Variants in SLC8A1 observed in about 807,000 individuals in gnomAD.
SLC8A1 encodes the protein sodium/calcium exchanger 1.
A neutral mutation model predicts 68.3 loss-of-function variants in SLC8A1; 18 were observed. That is an observed-to-expected ratio of 0.26 (90% CI 0.18 to 0.39). The LOEUF (loss-of-function observed/expected upper bound fraction) is 0.39. Among genes scored for constraint, SLC8A1 ranks in the 10% least tolerant of loss-of-function variants. SLC8A1 has a pLI of 1.00. For synonymous variants in SLC8A1, 475 were observed against 415.5 expected (o/e 1.14, Z -1.74); for missense variants, 985 against 1,156.7 (o/e 0.85, Z 2.15).
intron 1 of SLC8A1, among the ~76,000 whole-genome samples, chr2:40,457,944 A>C (rs1703118935): frequency 6.6e-6 from 1 of 152,176 alleles, no homozygotes; most frequent in Non-Finnish European, 1.5e-5. Flanking sequence ...GGCTGTACGC[A>C]TGTATCAGCT....
intron 2 of SLC8A1, among the ~76,000 whole-genome samples, chr2:40,298,902 C>A (rs1205061157): frequency 6.6e-6 from 1 of 152,172 alleles, no homozygotes; most frequent in Admixed American, 6.5e-5. Flanking sequence ...TTGGCCTTAT[C>A]AATTCGCCTT....
chr2:40,256,714 G>A (rs1313938659), intron 2 of SLC8A1, among the ~76,000 whole-genome samples: 2 of 152,120 alleles, frequency 1.3e-5, no homozygotes, highest in Non-Finnish European at 2.9e-5. Context: ...TTTAGAGAAG[G>A]CTGTAGGCCT....
At chr2:40,317,712 A>G (rs2074656404) in intron 2 of SLC8A1, among the ~76,000 whole-genome samples, 1 of 152,044 alleles carries the variant, frequency 6.6e-6, no homozygotes. Context: ...AATTCCTCAA[A>G]CTCTGTAAGT....
At chr2:40,470,683 T>TC (rs1703945868) in intron 1 of SLC8A1, among the ~76,000 whole-genome samples, 1 of 151,946 alleles carries the variant, frequency 6.6e-6, no homozygotes, top group Non-Finnish European at 1.5e-5. Context: ...TAAAAGACTA[T>TC]CCCTCAACTG....
chr2:40,173,091 G>T (rs1310626735), intron 4 of SLC8A1, among the ~76,000 whole-genome samples: 1 of 152,088 alleles, frequency 6.6e-6, no homozygotes, highest in African/African-American at 2.4e-5. Context: ...AGGTGCTGTT[G>T]GATAGTACAC....
Position 40,226,102 on chromosome 2 carries a change from C to A in SLC8A1, c.1809-48247G>T, listed in dbSNP as rs144038585. 2.0e-5 allele frequency among the ~76,000 whole-genome samples: 3 copies of A among 152,194 alleles called. No homozygotes were observed. The East Asian group carries it at 5.8e-4, about 29-fold the overall frequency. ...ACATATTTTACATTACATGAGATGA[C>A]AGTTGGTTTTATTGCTTTTCCCCTA... On this transcript the variant is annotated intron_variant, in intron 2 of 7. Coordinates refer to ENST00000406785, the Ensembl canonical transcript of SLC8A1.
chr2:40,443,967 G>C (rs1700979439), intron 1 of SLC8A1, among the ~76,000 whole-genome samples: 1 of 152,084 alleles, frequency 6.6e-6, no homozygotes, highest in African/African-American at 2.4e-5. Context: ...CTAATGCTTT[G>C]ATGGTTATCT....
intron 2 of SLC8A1, among the ~76,000 whole-genome samples, chr2:40,239,161 G>A (rs758357486): frequency 6.6e-6 from 1 of 152,082 alleles, no homozygotes; most frequent in Non-Finnish European, 1.5e-5. Flanking sequence ...GGAAACAACA[G>A]TCAGCAAATG....
intron 2 of SLC8A1, among the ~76,000 whole-genome samples, chr2:40,395,893 T>C (rs1404631734): frequency 2.0e-5 from 3 of 152,148 alleles, no homozygotes; most frequent in Non-Finnish European, 4.4e-5. Flanking sequence ...TTTTTACTAA[T>C]AGTATGCATG....
At chr2:40,330,253 G>A (rs1482843467) in intron 2 of SLC8A1, among the ~76,000 whole-genome samples, 1 of 151,148 alleles carries the variant, frequency 6.6e-6, no homozygotes, top group Admixed American at 6.6e-5. Context: ...GTTTTTGTCT[G>A]AAGTGAGACT....
At chr2:40,351,564 T>A (rs989942132) in intron 2 of SLC8A1, among the ~76,000 whole-genome samples, 5 of 148,756 alleles carry the variant, frequency 3.4e-5, no homozygotes, top group Non-Finnish European at 5.9e-5. Context: ...TCAAGTAGAT[T>A]GGCATACTGA....
intron 6 of SLC8A1, among the ~76,000 whole-genome samples, chr2:40,149,131 C>A (rs1430262849): frequency 6.6e-6 from 1 of 152,160 alleles, no homozygotes; most frequent in Non-Finnish European, 1.5e-5. Flanking sequence ...TTTTGGGTCA[C>A]TGTTTTGCAC....
intron 2 of SLC8A1, among the ~76,000 whole-genome samples, chr2:40,363,282 T>C (rs1177845310): frequency 6.6e-6 from 1 of 152,062 alleles, no homozygotes; most frequent in East Asian, 1.9e-4. Flanking sequence ...CAACTGATAA[T>C]AAAAAGTGCC....
At chr2:40,258,919 C>G (rs1385605657) in intron 2 of SLC8A1, among the ~76,000 whole-genome samples, 1 of 146,418 alleles carries the variant, frequency 6.8e-6, no homozygotes, top group African/African-American at 2.5e-5. Context: ...GTAATTGAAC[C>G]AGAAAGAAAA....
intron 2 of SLC8A1, among the ~76,000 whole-genome samples, chr2:40,227,597 A>T (rs2059146530): frequency 6.6e-6 from 1 of 152,072 alleles, no homozygotes; most frequent in African/African-American, 2.4e-5. Flanking sequence ...CAGGAAAAAA[A>T]TTGATACTAG....
At chr2:40,473,747 A>G (rs1704125992) in intron 1 of SLC8A1, among the ~76,000 whole-genome samples, 1 of 152,034 alleles carries the variant, frequency 6.6e-6, no homozygotes, top group Non-Finnish European at 1.5e-5. Context: ...ATGGACTTAT[A>G]TTTTTTTCTG....
At chr2:40,293,111 C>G (rs2069641166) in intron 2 of SLC8A1, among the ~76,000 whole-genome samples, 1 of 152,130 alleles carries the variant, frequency 6.6e-6, no homozygotes. Flanking sequence ...CCTTGGAATG[C>G]TTTTCCTCCA....
chr2:40,313,303 T>C (rs1345957921), intron 2 of SLC8A1, among the ~76,000 whole-genome samples: 1 of 152,148 alleles, frequency 6.6e-6, no homozygotes, highest in African/African-American at 2.4e-5. Context: ...CTGAGTAGTA[T>C]TGCTGTGTAT....
Position 40,411,243 on chromosome 2 carries a change from T to A in SLC8A1, c.1808+17230A>T, listed in dbSNP as rs959715429. Among the ~76,000 whole-genome samples, 3 of 152,090 alleles carry A rather than the reference T, an allele frequency of 2.0e-5. No individual in the cohort carries two copies. In the South Asian group the frequency reaches 6.2e-4, roughly 31 times the overall value. ...TACGCACATTTCAAAGGTAACTGAT[T>A]TAAAGTTAATAATAGCTAGCATAAC... On this transcript the variant is annotated intron_variant, in intron 2 of 7. Coordinates refer to ENST00000406785, the Ensembl canonical transcript of SLC8A1.
Sources: allele counts gnomAD v4.1 joint callset (sites outside exome capture counted in the v4.1 genomes callset), GRCh38; gene constraint gnomAD v4.1.1; transcripts MANE v1.5; gene names NCBI Gene and HGNC (gene_info 2026-07-23, HGNC 2026-07-21).